Variants in DAB1 observed in about 807,000 individuals in gnomAD.
The protein encoded by DAB1 is DAB adaptor protein 1, also known as disabled homolog 1.
A neutral mutation model predicts 64.6 loss-of-function variants in DAB1; 15 were observed. The observed-to-expected ratio is 0.23, with a 90% confidence interval of 0.16 to 0.36. The LOEUF (loss-of-function observed/expected upper bound fraction) is 0.36. Among genes scored for constraint, DAB1 ranks in the 10% least tolerant of loss-of-function variants. The pLI, the probability that DAB1 is intolerant of heterozygous loss-of-function variation, is 1.00. For missense variants in DAB1, 596 were observed against 706.7 expected, an observed-to-expected ratio of 0.84 and a Z score of 1.78; for synonymous variants, 235 against 251.9, an observed-to-expected ratio of 0.93 and a Z score of 0.64.
chr1:57,739,500 G>A (rs1382159551), intron 6 of DAB1, among the ~76,000 whole-genome samples: 1 of 87,128 alleles, frequency 1.1e-5, no homozygotes, highest in East Asian at 3.7e-4. Context: ...AGGCTGGAGT[G>A]CAATGATGCA....
At chr1:57,742,923 C>T (rs1030206133) in intron 6 of DAB1, among the ~76,000 whole-genome samples, 5 of 152,150 alleles carry the variant, frequency 3.3e-5, no homozygotes, top group African/African-American at 1.2e-4. Context: ...AGAGTTAATA[C>T]CCAAAGTATG....
chr1:57,675,384 C>T (rs1468641209), intron 6 of DAB1, among the ~76,000 whole-genome samples: 1 of 152,142 alleles, frequency 6.6e-6, no homozygotes, highest in Non-Finnish European at 1.5e-5. Flanking sequence ...TCTACAGAGT[C>T]GTGATAAAAT....
chr1:58,200,934 T>C (rs941207395), intron 4 of DAB1, among the ~76,000 whole-genome samples: 106 of 152,200 alleles, frequency 7.0e-4, no homozygotes, highest in Non-Finnish European at 1.5e-3. Context: ...TCTTTTCCAA[T>C]TAGCTTGGTT....
chr1:58,473,467 G>T (rs370803065), intron 3 of DAB1, among the ~76,000 whole-genome samples: 1 of 151,864 alleles, frequency 6.6e-6, no homozygotes, highest in Admixed American at 6.6e-5. Context: ...GCGTGAACCC[G>T]GGAAGCGGAG....
intron 7 of DAB1, among the ~76,000 whole-genome samples, chr1:57,558,240 C>G (rs190722189): frequency 1.3e-4 from 20 of 152,290 alleles, no homozygotes; most frequent in African/African-American, 4.8e-4. Context: ...GCCATGCTGC[C>G]AACAGCTTTT....
chr1:57,721,804 T>C (rs1275220705), intron 6 of DAB1, among the ~76,000 whole-genome samples: 1 of 152,144 alleles, frequency 6.6e-6, no homozygotes, highest in African/African-American at 2.4e-5. Context: ...ATCTATGTGC[T>C]TTGTGGAAGG....
intron 4 of DAB1, among the ~76,000 whole-genome samples, chr1:58,216,078 C>T (rs1166057194): frequency 6.6e-6 from 1 of 152,074 alleles, no homozygotes; most frequent in Non-Finnish European, 1.5e-5. Context: ...ATATGCAGAA[C>T]TTGCAGGTTT....
chr1:57,149,163 A>G (rs1216645941), intron 2 of DAB1, among the ~76,000 whole-genome samples: 1 of 152,214 alleles, frequency 6.6e-6, no homozygotes, highest in Non-Finnish European at 1.5e-5. Flanking sequence ...CATCCATGTT[A>G]TAGCATGTAT....
intron 5 of DAB1, chr1:58,074,564 GTATATATATATATATATA>G (rs375821412): frequency 7.6e-5 from 7 of 91,632 alleles, no homozygotes; most frequent in Admixed American, 1.3e-4. Context: ...ATATATGTGT[GTATATATATATATATATA>G]TATATATATA....
intron 2 of DAB1, among the ~76,000 whole-genome samples, chr1:57,170,380 A>G (rs1359142639): frequency 1.3e-5 from 2 of 152,162 alleles, no homozygotes; most frequent in Non-Finnish European, 2.9e-5. Context: ...TGAACATTAC[A>G]TACTTTGCAA....
In DAB1 at chr1:57,287,374, C is replaced by T. The variant is rs2100651710; in HGVS notation, c.67+3590G>A. Among the ~76,000 whole-genome samples the T allele has an allele frequency of 2.0e-5, 3 of 152,282 alleles. No homozygotes were observed. In the East Asian group the frequency reaches 5.8e-4, roughly 29 times the overall value. On this transcript the variant is annotated intron_variant, in intron 2 of 14. Transcript: ENST00000371236. ...ATAGGCATGAGCCACCATGCCCAGCCAGAAAACTATCTTTAGTAAAAACTT... is the reference window on the plus strand; with the variant it reads ...ATAGGCATGAGCCACCATGCCCAGCTAGAAAACTATCTTTAGTAAAAACTT...
intron 5 of DAB1, among the ~76,000 whole-genome samples, chr1:58,129,576 C>T (rs947365996): frequency 2.9e-5 from 4 of 138,648 alleles, no homozygotes; most frequent in Non-Finnish European, 4.6e-5. Flanking sequence ...ATCTTTCCTG[C>T]TTTCTCTTGT....
At chr1:57,639,360 T>C (rs550509900) in intron 7 of DAB1, among the ~76,000 whole-genome samples, 15 of 151,178 alleles carry the variant, frequency 9.9e-5, no homozygotes, top group African/African-American at 2.9e-4. Context: ...TAAAGTTCTT[T>C]ATAAAGAACT....
intron 5 of DAB1, among the ~76,000 whole-genome samples, chr1:58,109,303 C>G (rs1651840785): frequency 6.6e-6 from 1 of 152,152 alleles, no homozygotes; most frequent in African/African-American, 2.4e-5. Context: ...AAAGAACTAA[C>G]GTGAATAGGG....
At chr1:58,170,735 T>A (rs1191222606) in intron 4 of DAB1, among the ~76,000 whole-genome samples, 3 of 152,016 alleles carry the variant, frequency 2.0e-5, no homozygotes, top group Non-Finnish European at 4.4e-5. Context: ...CCCTCGTCCA[T>A]GTCTGCTATG....
intron 2 of DAB1, among the ~76,000 whole-genome samples, chr1:57,175,158 A>C (rs76205869): frequency 4.6e-5 from 7 of 152,264 alleles, no homozygotes; most frequent in African/African-American, 1.7e-4. Flanking sequence ...CATTACCAAG[A>C]GGCAGCACTC....
chr1:58,186,207 A>C (rs1314207369), intron 4 of DAB1, among the ~76,000 whole-genome samples: 1 of 152,182 alleles, frequency 6.6e-6, no homozygotes, highest in East Asian at 1.9e-4. Flanking sequence ...GCCTGAGTGC[A>C]GCAGAAATCA....
At chr1:58,369,872 G>T (rs537169111) in intron 3 of DAB1, among the ~76,000 whole-genome samples, 1 of 152,216 alleles carries the variant, frequency 6.6e-6, no homozygotes, top group South Asian at 2.1e-4. Context: ...TAAGAATATT[G>T]TAATAAATAG....
rs540438631 is a variant in DAB1, at chr1:58,450,416, C to G, written n.257+55644G>C. ...GAGGTGGAGCTCAATTTCTTTCCCC[C>G]CAATGTGTGGGCTGGATTTAGTGAC... On this transcript the variant is annotated intron_variant and non_coding_transcript_variant, in intron 3 of 20. Transcript: ENST00000485760. Among the ~76,000 whole-genome samples, 400 of 152,260 alleles carry G rather than the reference C, an allele frequency of 2.6e-3. 1 individual carries two copies. Among genetic ancestry groups the G allele is most frequent in the African/African-American group, 8.4e-3 (351 of 41,556 alleles).
Sources: allele counts gnomAD v4.1 joint callset (sites outside exome capture counted in the v4.1 genomes callset), GRCh38; gene constraint gnomAD v4.1.1; transcripts MANE v1.5; gene names NCBI Gene and HGNC (gene_info 2026-07-23, HGNC 2026-07-21).